TRAPPC8: variants seen among roughly 807,000 people sequenced by gnomAD.
TRAPPC8 encodes trafficking protein particle complex subunit 8.
A neutral mutation model predicts 174.3 loss-of-function variants in TRAPPC8; 54 were observed. The observed-to-expected ratio is 0.31, with a 90% confidence interval of 0.25 to 0.39. The LOEUF (loss-of-function observed/expected upper bound fraction) is 0.39, where lower values mean the gene tolerates loss of function less well. Ranked by LOEUF, TRAPPC8 falls within the 10% of genes least tolerant of loss-of-function variation. The pLI is 1.00. For missense variants in TRAPPC8, 1,531 were observed against 1,699.1 expected (o/e 0.90, Z 1.74); for synonymous variants, 630 against 579.9 (o/e 1.09, Z -1.24).
At chr18:31,858,772 AAG>A (rs1288198274) in intron 19 of TRAPPC8, among the ~76,000 whole-genome samples, 3 of 152,218 alleles carry the variant, frequency 2.0e-5, no homozygotes, top group African/African-American at 7.2e-5. Context: ...ATCATACAGT[AAG>A]TTATCTGCAT....
intron 1 of TRAPPC8, among the ~76,000 whole-genome samples, chr18:31,931,988 C>G (rs561178024): frequency 1.2e-4 from 19 of 152,296 alleles, no homozygotes; most frequent in African/African-American, 4.6e-4. Flanking sequence ...CTTTTTCACT[C>G]TCATAAAAAT....
chr18:31,907,992 T>C (rs1005193004), intron 8 of TRAPPC8, among the ~76,000 whole-genome samples: 2 of 152,234 alleles, frequency 1.3e-5, no homozygotes, highest in Non-Finnish European at 2.9e-5. Context: ...AATGTGTCCC[T>C]TGTCTTAGAA....
intron 2 of TRAPPC8, among the ~76,000 whole-genome samples, chr18:31,928,181 A>T (rs1373438712): frequency 6.6e-6 from 1 of 151,172 alleles, no homozygotes; most frequent in African/African-American, 2.4e-5. Context: ...AATAAAATAA[A>T]ATAAAATTAA....
intron 10 of TRAPPC8, 94 bp downstream of exon 10, chr18:31,900,828 TTAA>T: frequency 1.1e-6 from 1 of 907,420 alleles, no homozygotes; most frequent in Non-Finnish European, 1.6e-6. Flanking sequence ...TCCGACTATA[TTAA>T]CTTGATTTGG....
intron 12 of TRAPPC8, among the ~76,000 whole-genome samples, chr18:31,880,162 T>G (rs181879130): frequency 7.0e-6 from 1 of 142,198 alleles, no homozygotes; most frequent in African/African-American, 2.6e-5. Flanking sequence ...CCTTAACTAA[T>G]ATCATCCTGA....
At chr18:31,847,322 G>A (rs1366926902) in intron 25 of TRAPPC8, among the ~76,000 whole-genome samples, 2 of 152,060 alleles carry the variant, frequency 1.3e-5, no homozygotes, top group Admixed American at 6.6e-5. Flanking sequence ...CCAATATAGT[G>A]AGCTGACTTT....
intron 2 of TRAPPC8, among the ~76,000 whole-genome samples, chr18:31,927,274 AT>A (rs35921065): frequency 3.9e-4 from 57 of 146,136 alleles, no homozygotes; most frequent in Middle Eastern, 3.5e-3. Context: ...CACCCAACTA[AT>A]TTTTTTTTTT....
rs189060292 is a variant in TRAPPC8 at position 31,886,431 on chromosome 18, G to A, written c.1728+4304C>T. Among the ~76,000 whole-genome samples, 1,090 of 150,822 alleles carry A rather than the reference G, an allele frequency of 7.2e-3. 14 individuals are homozygous for A. Among genetic ancestry groups the A allele is most frequent in the African/African-American group, 0.025 (1,045 of 41,040 alleles). ...TTAAAAACTGATAGATATAGAAAAA[G>A]AGTTGAATGTGTCTTGTGTGTTCAA... On this transcript the variant is annotated intron_variant, in intron 12 of 28. Transcript: ENST00000283351.
At position 31,875,848 on chromosome 18, in the gene TRAPPC8, G is replaced by A. The variant is rs147980500; in HGVS notation, c.1729-1144C>T. Among the ~76,000 whole-genome samples, 939 of 152,314 alleles carry A rather than the reference G, an allele frequency of 6.2e-3. 8 individuals carry two copies. The highest frequency in any genetic ancestry group is 8.7e-3 in the Non-Finnish European group (589 of 68,022). On this transcript the variant is annotated intron_variant, in intron 12 of 28. Coordinates refer to ENST00000283351, the MANE Select transcript of TRAPPC8 (RefSeq NM_014939.5). ...AGATCCTGCATGTTCTCACTCATAT[G>A]TGGGAGCTAAAACAGTGGATTTCAT...
intron 18 of TRAPPC8, 86 bp from the exon 19 acceptor site, chr18:31,864,867 T>C: frequency 8.5e-7 from 1 of 1,170,662 alleles, no homozygotes; most frequent in Non-Finnish European, 1.2e-6. Context: ...TATTGTAAGT[T>C]TCAGATTATT....
At chr18:31,879,443 CAACAT>C (rs1024766726) in intron 12 of TRAPPC8, among the ~76,000 whole-genome samples, 22 of 152,136 alleles carry the variant, frequency 1.4e-4, no homozygotes, top group African/African-American at 5.1e-4. Flanking sequence ...CACAGAAACA[CAACAT>C]ATCAATACCT....
intron 20 of TRAPPC8, among the ~76,000 whole-genome samples, chr18:31,857,031 C>A (rs1377746128): frequency 1.3e-5 from 2 of 152,040 alleles, no homozygotes; most frequent in Non-Finnish European, 2.9e-5. Flanking sequence ...CCTGGATGAG[C>A]CAGTTAGCTT....
chr18:31,874,601 G>C lies in TRAPPC8; in HGVS notation c.1832C>G (p.Ser611Cys), dbSNP rs1282537683. Residue 611 changes from serine (S) to cysteine (C), a missense_variant, in exon 13 of 29, where the codon TCC (serine) becomes TGC (cysteine). Ser to Cys is a moderately radical substitution (Grantham distance 112). Coordinates refer to ENST00000283351, the MANE Select transcript of TRAPPC8 (RefSeq NM_014939.5). ...DHINFTIGRQ[S>C]YTLRQLDNAV... ...ATTATCCAGCTGTCTAAGAGTATAG[G>C]ACTGGCGCCCAATAGTGAAATTAAT... is the stretch of plus-strand genomic sequence containing the variant. 1.3e-5 allele frequency: 21 copies of C among 1,613,982 alleles called. No homozygotes were observed. The highest frequency in any genetic ancestry group is 1.7e-5 in the Non-Finnish European group (20 of 1,180,000).
At chr18:31,885,736 C>T (rs1424801880) in intron 12 of TRAPPC8, among the ~76,000 whole-genome samples, 5 of 151,286 alleles carry the variant, frequency 3.3e-5, no homozygotes, top group South Asian at 2.1e-4. Context: ...GGTGCATGCC[C>T]GTAATCCCAG....
At chr18:31,938,951 G>C (rs184390995) in intron 1 of TRAPPC8, among the ~76,000 whole-genome samples, 3 of 151,972 alleles carry the variant, frequency 2.0e-5, no homozygotes, top group African/African-American at 7.2e-5. Flanking sequence ...ATGGTGGCAC[G>C]AGCCTGTAGT....
At chr18:31,883,911 G>A (rs557799979) in intron 12 of TRAPPC8, among the ~76,000 whole-genome samples, 24 of 152,302 alleles carry the variant, frequency 1.6e-4, no homozygotes, top group Admixed American at 1.2e-3. Context: ...TTGGGAGGTC[G>A]AGCGTGGTGA....
intron 10 of TRAPPC8, among the ~76,000 whole-genome samples, chr18:31,900,336 T>C (rs914461813): frequency 6.6e-6 from 1 of 152,238 alleles, no homozygotes; most frequent in African/African-American, 2.4e-5. Context: ...ACTTTCCCTA[T>C]ACAGCAACCT....
At chr18:31,875,487 G>A (rs1342118189) in intron 12 of TRAPPC8, among the ~76,000 whole-genome samples, 3 of 151,968 alleles carry the variant, frequency 2.0e-5, no homozygotes, top group South Asian at 2.1e-4. Flanking sequence ...TGCCTCACAC[G>A]GTTCAAATAA....
At chr18:31,833,925 C>T (rs1342090256) in intron 27 of TRAPPC8, among the ~76,000 whole-genome samples, 1 of 147,372 alleles carries the variant, frequency 6.8e-6, no homozygotes, top group Non-Finnish European at 1.5e-5. Context: ...TGGCATGAAC[C>T]CAGGAGGTGG....
Sources: allele counts gnomAD v4.1 joint callset (sites outside exome capture counted in the v4.1 genomes callset), GRCh38; gene constraint gnomAD v4.1.1; transcripts MANE v1.5; gene names NCBI Gene and HGNC (gene_info 2026-07-23, HGNC 2026-07-21).